The following KCNH7 variants were observed in gnomAD, a reference collection of about 807,000 sequenced individuals.
KCNH7 encodes potassium voltage-gated channel subfamily H member 7.
Under a neutral mutation model 120.8 loss-of-function variants are expected in KCNH7, and 49 were observed. The ratio of observed to expected loss-of-function variants is 0.41; its 90% confidence interval spans 0.32 to 0.51. The LOEUF (loss-of-function observed/expected upper bound fraction) is 0.51, where lower values mean the gene tolerates loss of function less well. Ranked by LOEUF, KCNH7 falls within the 20% of genes least tolerant of loss-of-function variation. KCNH7 has a pLI of 0.38. For synonymous variants in KCNH7, 547 were observed against 516.1 expected (o/e 1.06, Z -0.81); for missense variants, 1,097 against 1,446.6 (o/e 0.76, Z 3.92).
chr2:162,722,813 C>CTTTTTTTTT lies in KCNH7; in HGVS notation c.307+113715_307+113723dup, dbSNP rs894023630. Among the ~76,000 whole-genome samples, 373 of 84,980 alleles carry CTTTTTTTTT rather than the reference C, an allele frequency of 4.4e-3. 14 individuals carry two copies. Among genetic ancestry groups the CTTTTTTTTT allele is most frequent in the Middle Eastern group, 0.014 (2 of 142 alleles). 55.8% of individuals were successfully genotyped at this position (84,980 alleles called of 152,430 possible). A position where few individuals can be genotyped will look rare whatever the true frequency, so the allele number is the denominator to read the frequency against. ...AATCCTTTTCATTCATTCTTTTTTT[C>CTTTTTTTTT]TTTTTTTTTTTTTTTTTTGCTTCTC... On this transcript the variant is annotated intron_variant, in intron 2 of 15. Coordinates refer to ENST00000332142, the MANE Select transcript of KCNH7 (RefSeq NM_033272.4).
intron 2 of KCNH7, among the ~76,000 whole-genome samples, chr2:162,686,357 G>A (rs763594394): frequency 8.5e-5 from 13 of 152,176 alleles, no homozygotes; most frequent in South Asian, 2.1e-4. Context: ...GTACCAATTC[G>A]TTTCCAATCC....
chr2:162,748,112 G>A (rs191482102), intron 2 of KCNH7, among the ~76,000 whole-genome samples: 13 of 152,214 alleles, frequency 8.5e-5, no homozygotes, highest in African/African-American at 2.9e-4. Flanking sequence ...CACTAAACAC[G>A]GTTTATGTAG....
intron 2 of KCNH7, among the ~76,000 whole-genome samples, chr2:162,704,784 C>CTA (rs780687119): frequency 1.3e-5 from 2 of 152,100 alleles, no homozygotes; most frequent in Non-Finnish European, 2.9e-5. Flanking sequence ...GGCAAAATGG[C>CTA]TATATGGTCA....
At chr2:162,833,588 C>T (rs1685552245) in intron 2 of KCNH7, among the ~76,000 whole-genome samples, 1 of 152,070 alleles carries the variant, frequency 6.6e-6, no homozygotes, top group Non-Finnish European at 1.5e-5. Flanking sequence ...GAAGAGCTGT[C>T]AAATATTCCT....
At chr2:162,605,229 T>A (rs1682699299) in intron 2 of KCNH7, among the ~76,000 whole-genome samples, 1 of 152,092 alleles carries the variant, frequency 6.6e-6, no homozygotes, top group Non-Finnish European at 1.5e-5. Flanking sequence ...CATCCTGTAG[T>A]GGAAATGAAT....
chr2:162,572,988 G>A (rs1352482546), intron 2 of KCNH7, among the ~76,000 whole-genome samples: 4 of 151,938 alleles, frequency 2.6e-5, no homozygotes. Context: ...CATGGCACAT[G>A]TATACATATG....
At chr2:162,620,592 A>G (rs964081627) in intron 2 of KCNH7, among the ~76,000 whole-genome samples, 7 of 152,158 alleles carry the variant, frequency 4.6e-5, no homozygotes, top group African/African-American at 1.7e-4. Flanking sequence ...TTTACAACTT[A>G]GATCTACATA....
At chr2:162,610,835 A>G (rs988462624) in intron 2 of KCNH7, among the ~76,000 whole-genome samples, 1 of 152,220 alleles carries the variant, frequency 6.6e-6, no homozygotes, top group Admixed American at 6.5e-5. Context: ...AGGATTTGTC[A>G]TAGAAGGTAT....
In KCNH7 at chr2:162,379,933, C is replaced by G; in HGVS notation, c.3051G>C (p.Trp1017Cys). 6.2e-7 allele frequency: 1 copy of G among 1,613,994 alleles called. No individual in the cohort carries two copies. Among genetic ancestry groups the G allele is most frequent in the Non-Finnish European group, 8.5e-7 (1 of 1,179,948 alleles). The change falls in exon 14 of 16, where the codon TGG becomes TGC. Residue 1017 changes from tryptophan (W) to cysteine (C), a missense_variant. This residue lies in a region of KCNH7 where 406 missense variants were observed against 410.5 expected (regional missense o/e 0.99). Coordinates refer to ENST00000332142, the MANE Select transcript of KCNH7 (RefSeq NM_033272.4). ...SSPSALQRAAWGISETESDLT... is the reference protein window; with the variant it reads ...SSPSALQRAACGISETESDLT... ...GGTCGCTTTCGGTTTCAGAGATACC[C>G]CAGGCAGCTCGCTGAAGTGCAGATG...
chr2:162,441,025 T>A (rs1229697540), intron 7 of KCNH7, among the ~76,000 whole-genome samples: 1 of 152,086 alleles, frequency 6.6e-6, no homozygotes, highest in African/African-American at 2.4e-5. Context: ...AATGATCAAC[T>A]AAAAGCAAAA....
intron 2 of KCNH7, among the ~76,000 whole-genome samples, chr2:162,629,912 G>C (rs73028540): frequency 0.029 from 4,340 of 152,140 alleles, 223 homozygotes; most frequent in African/African-American, 0.1. Flanking sequence ...ACCCCCAAAA[G>C]ATTACATTAT....
At chr2:162,440,885 C>T (rs1427794644) in intron 7 of KCNH7, among the ~76,000 whole-genome samples, 2 of 152,062 alleles carry the variant, frequency 1.3e-5, no homozygotes, top group Non-Finnish European at 2.9e-5. Flanking sequence ...AATGTTACAA[C>T]AAATAAATAA....
chr2:162,813,138 C>T (rs1244753898), intron 2 of KCNH7, among the ~76,000 whole-genome samples: 1 of 152,064 alleles, frequency 6.6e-6, no homozygotes, highest in Non-Finnish European at 1.5e-5. Flanking sequence ...ACTAGGGAGA[C>T]AGGAAGTTGG....
At chr2:162,677,664 C>T (rs1192022421) in intron 2 of KCNH7, among the ~76,000 whole-genome samples, 1 of 151,448 alleles carries the variant, frequency 6.6e-6, no homozygotes, top group Non-Finnish European at 1.5e-5. Flanking sequence ...TTTTGGCAGA[C>T]ATATTATGCA....
chr2:162,503,253 G>A (rs776627036), intron 6 of KCNH7, among the ~76,000 whole-genome samples: 7 of 151,824 alleles, frequency 4.6e-5, no homozygotes, highest in Non-Finnish European at 7.4e-5. Flanking sequence ...TCATATAATG[G>A]TAGGAATCTA....
intron 6 of KCNH7, among the ~76,000 whole-genome samples, chr2:162,500,153 T>C (rs1462811377): frequency 6.8e-6 from 1 of 148,144 alleles, no homozygotes; most frequent in Non-Finnish European, 1.5e-5. Flanking sequence ...AATATACATA[T>C]TGATATACAT....
At position 162,372,486 on chromosome 2, in the gene KCNH7, C is replaced by T. The variant is rs540920736; in HGVS notation, c.3325-391G>A. Among the ~76,000 whole-genome samples, 71 of 152,096 alleles carry T rather than the reference C, an allele frequency of 4.7e-4. 1 individual carries two copies. The East Asian group carries it at 8.5e-3, about 18-fold the overall frequency. ...AGATGGGAAGATGGGAAGTAAAATC[C>T]GTCATCCCTAGTCAGATAATATTAC... On this transcript the variant is annotated intron_variant, in intron 15 of 15. Transcript: ENST00000332142.
chr2:162,740,088 T>C (rs1322266465), intron 2 of KCNH7, among the ~76,000 whole-genome samples: 2 of 152,148 alleles, frequency 1.3e-5, no homozygotes, highest in Non-Finnish European at 2.9e-5. Context: ...TGCCTGGTAC[T>C]TAAAAGCACT....
intron 6 of KCNH7, among the ~76,000 whole-genome samples, chr2:162,503,856 T>G (rs1389363352): frequency 6.6e-6 from 1 of 152,054 alleles, no homozygotes. Context: ...AGAAATCATT[T>G]TTATCTACTC....
Sources: gnomAD v4.1 joint callset for allele counts (sites outside exome capture counted in the v4.1 genomes callset) on GRCh38, gnomAD v4.1.1 for gene constraint, gnomAD v4.1.1 regional missense constraint, MANE v1.5 for transcripts, NCBI Gene and HGNC (gene_info 2026-07-23, HGNC 2026-07-21) for gene names.